Variants in GPATCH2 observed in about 807,000 individuals in gnomAD.
GPATCH2 encodes G-patch domain containing 2, also known as G patch domain-containing protein 2.
In GPATCH2, 51 loss-of-function variants were observed where a neutral mutation model predicts 58.0. The ratio of observed to expected loss-of-function variants is 0.88; its 90% CI spans 0.70 to 1.11. The LOEUF is 1.11. Ranked by LOEUF, GPATCH2 falls within the 50% of genes most tolerant of loss-of-function variation. The pLI is 0.00. For synonymous variants in GPATCH2, 222 were observed against 218.5 expected, an observed-to-expected ratio of 1.02 and a Z score of -0.14; for missense variants, 625 against 652.2, an observed-to-expected ratio of 0.96 and a Z score of 0.45.
chr1:217,457,683 G>T (rs1469401706), intron 8 of GPATCH2, among the ~76,000 whole-genome samples: 2 of 152,124 alleles, frequency 1.3e-5, no homozygotes, highest in Admixed American at 1.3e-4. Context: ...AATAAAGGAA[G>T]AATTAGGGTC....
intron 1 of GPATCH2, among the ~76,000 whole-genome samples, chr1:217,627,211 T>C (rs547294756): frequency 6.6e-6 from 1 of 152,056 alleles, no homozygotes; most frequent in African/African-American, 2.4e-5. Context: ...ATTTCATGTT[T>C]CAACGACCTC....
At chr1:217,606,309 T>C (rs1205072752) in intron 5 of GPATCH2, among the ~76,000 whole-genome samples, 1 of 151,702 alleles carries the variant, frequency 6.6e-6, no homozygotes, top group Non-Finnish European at 1.5e-5. Context: ...TGAGATTTAG[T>C]GGAGTGGCTG....
chr1:217,433,824 T>C (rs1379435946), intron 9 of GPATCH2, among the ~76,000 whole-genome samples: 1 of 152,210 alleles, frequency 6.6e-6, no homozygotes, highest in African/African-American at 2.4e-5. Flanking sequence ...TCTCACATTG[T>C]GGGGAACAGC....
chr1:217,439,819 A>T (rs1343809133), intron 9 of GPATCH2, among the ~76,000 whole-genome samples: 1 of 152,246 alleles, frequency 6.6e-6, no homozygotes, highest in African/African-American at 2.4e-5. Flanking sequence ...AAGCAGGAAG[A>T]AGTCGAATCC....
At chr1:217,568,877 C>T (rs1318055639) in intron 5 of GPATCH2, among the ~76,000 whole-genome samples, 1 of 152,032 alleles carries the variant, frequency 6.6e-6, no homozygotes, top group African/African-American at 2.4e-5. Context: ...AGAGCAAAGG[C>T]AAAGCCAATA....
chr1:217,534,349 A>G (rs1428332641), intron 5 of GPATCH2, among the ~76,000 whole-genome samples: 1 of 152,242 alleles, frequency 6.6e-6, no homozygotes, highest in Admixed American at 6.5e-5. Flanking sequence ...AAAACATACT[A>G]GCAAACATTC....
intron 6 of GPATCH2, among the ~76,000 whole-genome samples, chr1:217,512,843 T>A (rs1332941271): frequency 6.6e-6 from 1 of 152,204 alleles, no homozygotes; most frequent in East Asian, 1.9e-4. Context: ...AGGCATCTGC[T>A]GCAATGAACA....
intron 8 of GPATCH2, among the ~76,000 whole-genome samples, chr1:217,454,283 G>A (rs1182929912): frequency 6.6e-6 from 1 of 152,114 alleles, no homozygotes; most frequent in African/African-American, 2.4e-5. Flanking sequence ...CGACTAGAAT[G>A]ATTGAATTAA....
chr1:217,618,963 G>GA (rs139260019), intron 2 of GPATCH2, among the ~76,000 whole-genome samples: 26,471 of 137,884 alleles, frequency 0.19, 2,658 homozygotes, highest in Middle Eastern at 0.27. Context: ...TCTCTATCTC[G>GA]AAAAAAAAAA....
At chr1:217,604,828 C>T (rs944314939) in intron 5 of GPATCH2, among the ~76,000 whole-genome samples, 5 of 152,028 alleles carry the variant, frequency 3.3e-5, no homozygotes, top group Admixed American at 1.3e-4. Context: ...GAGTTCGAGA[C>T]CAGCCTAGCC....
chr1:217,587,243 T>C (rs1667381450), intron 5 of GPATCH2, among the ~76,000 whole-genome samples: 1 of 152,158 alleles, frequency 6.6e-6, no homozygotes, highest in Non-Finnish European at 1.5e-5. Flanking sequence ...CTTTAGGAAA[T>C]ATTACAAATC....
At chr1:217,447,923 C>A (rs1659464755) in intron 9 of GPATCH2, among the ~76,000 whole-genome samples, 1 of 151,956 alleles carries the variant, frequency 6.6e-6, no homozygotes, top group African/African-American at 2.4e-5. Context: ...CATGGTGAAA[C>A]CCCATCTCTA....
chr1:217,555,589 A>G (rs1241685006), intron 5 of GPATCH2, among the ~76,000 whole-genome samples: 1 of 152,196 alleles, frequency 6.6e-6, no homozygotes, highest in Non-Finnish European at 1.5e-5. Flanking sequence ...CATGATACTT[A>G]TTAATCAAAT....
intron 1 of GPATCH2, among the ~76,000 whole-genome samples, chr1:217,625,844 C>T (rs567441880): frequency 1.3e-5 from 2 of 151,972 alleles, no homozygotes; most frequent in Non-Finnish European, 2.9e-5. Flanking sequence ...ATTAGCTGGC[C>T]GTGGTGGTGC....
At chr1:217,554,665 T>C (rs1665533954) in intron 5 of GPATCH2, among the ~76,000 whole-genome samples, 1 of 152,208 alleles carries the variant, frequency 6.6e-6, no homozygotes, top group Non-Finnish European at 1.5e-5. Flanking sequence ...AGTCTAACTG[T>C]AAATCTGTTT....
intron 5 of GPATCH2, among the ~76,000 whole-genome samples, chr1:217,574,638 A>G (rs549606838): frequency 7.9e-5 from 12 of 152,224 alleles, no homozygotes; most frequent in Non-Finnish European, 1.0e-4. Context: ...CATGTTGCTA[A>G]GTACTTTACA....
chr1:217,599,972 C>A (rs1206562556), intron 5 of GPATCH2, among the ~76,000 whole-genome samples: 1 of 151,842 alleles, frequency 6.6e-6, no homozygotes, highest in Non-Finnish European at 1.5e-5. Flanking sequence ...ATCTAAAACA[C>A]CTCAAAAAAA....
chr1:217,578,259 T>G (rs1477499307), intron 5 of GPATCH2, among the ~76,000 whole-genome samples: 1 of 152,044 alleles, frequency 6.6e-6, no homozygotes, highest in African/African-American at 2.4e-5. Context: ...GACCGGGTCT[T>G]GCTCTATTGC....
At chr1:217,544,049 T>C (rs1664898195) in intron 5 of GPATCH2, among the ~76,000 whole-genome samples, 2 of 152,202 alleles carry the variant, frequency 1.3e-5, no homozygotes, top group African/African-American at 4.8e-5. Flanking sequence ...TTATAAAGTC[T>C]TAAAAAAGTT....
Sources: allele counts gnomAD v4.1 joint callset (sites outside exome capture counted in the v4.1 genomes callset), GRCh38; gene constraint gnomAD v4.1.1; transcripts MANE v1.5; gene names NCBI Gene and HGNC (gene_info 2026-07-23, HGNC 2026-07-21).